The following OTUD7A variants were observed in gnomAD, a reference collection of about 807,000 sequenced individuals.
OTUD7A encodes the protein OTU deubiquitinase 7A.
A neutral mutation model predicts 65.7 loss-of-function variants in OTUD7A; 12 were observed. The observed-to-expected ratio is 0.18, with a 90% CI of 0.12 to 0.30. The LOEUF (loss-of-function observed/expected upper bound fraction) is 0.30, where lower values mean the gene tolerates loss of function less well. OTUD7A is among the 10% of genes least tolerant of loss of function. The pLI is 1.00. For missense variants in OTUD7A, 1,148 were observed against 1,304.8 expected (o/e 0.88, Z 1.85); for synonymous variants, 641 against 586.3 (o/e 1.09, Z -1.35).
intron 5 of OTUD7A, among the ~76,000 whole-genome samples, chr15:31,540,274 C>T (rs62004123): frequency 0.048 from 7,258 of 152,268 alleles, 263 homozygotes; most frequent in Middle Eastern, 0.075. Flanking sequence ...ATCACTCTTC[C>T]CACAAAGGAG....
At chr15:31,721,945 T>C (rs575864963) in intron 1 of OTUD7A, among the ~76,000 whole-genome samples, 1 of 152,328 alleles carries the variant, frequency 6.6e-6, no homozygotes, top group South Asian at 2.1e-4. Context: ...TCGAAGTCGG[T>C]GCTCAATAAA....
chr15:31,726,701 T>G (rs1595729956), intron 1 of OTUD7A, among the ~76,000 whole-genome samples: 1 of 152,330 alleles, frequency 6.6e-6, no homozygotes, highest in East Asian at 1.9e-4. Flanking sequence ...AGTAACTTCA[T>G]GTGGGCTCCA....
chr15:31,844,627 C>T (rs568435867), intron 1 of OTUD7A, among the ~76,000 whole-genome samples: 1 of 152,236 alleles, frequency 6.6e-6, no homozygotes, highest in Admixed American at 6.5e-5. Flanking sequence ...CTCCTGGTTC[C>T]TCATATACAA....
intron 1 of OTUD7A, among the ~76,000 whole-genome samples, chr15:31,856,106 C>T (rs368825276): frequency 2.0e-5 from 3 of 152,194 alleles, no homozygotes; most frequent in East Asian, 3.8e-4. Flanking sequence ...AGACATGTAA[C>T]TTAAATTCAG....
intron 1 of OTUD7A, among the ~76,000 whole-genome samples, chr15:31,791,594 C>T (rs560033741): frequency 5.3e-5 from 8 of 152,186 alleles, no homozygotes; most frequent in African/African-American, 1.9e-4. Flanking sequence ...TACAACACGT[C>T]CCGGACCAAC....
chr15:31,651,759 A>C (rs1291366899), intron 3 of OTUD7A, among the ~76,000 whole-genome samples: 1 of 152,212 alleles, frequency 6.6e-6, no homozygotes, highest in Admixed American at 6.5e-5. Context: ...AATAGTTTAC[A>C]ACCCCGCCCC....
intron 8 of OTUD7A, among the ~76,000 whole-genome samples, chr15:31,505,517 A>G (rs1345986148): frequency 6.6e-6 from 1 of 152,130 alleles, no homozygotes; most frequent in Non-Finnish European, 1.5e-5. Flanking sequence ...AAGGCTTTGA[A>G]GAGAAAACTC....
intron 1 of OTUD7A, among the ~76,000 whole-genome samples, chr15:31,787,319 G>A (rs983583463): frequency 1.5e-4 from 23 of 152,180 alleles, no homozygotes; most frequent in African/African-American, 5.5e-4. Flanking sequence ...GAAACAGCAA[G>A]AAAGCATTTG....
intron 1 of OTUD7A, among the ~76,000 whole-genome samples, chr15:31,815,129 G>A (rs1365456680): frequency 1.3e-5 from 2 of 152,112 alleles, no homozygotes; most frequent in Non-Finnish European, 2.9e-5. Context: ...CTGCTTCCAG[G>A]GCCTTCTAGG....
chr15:31,839,397 G>A (rs1013104098), intron 1 of OTUD7A, among the ~76,000 whole-genome samples: 2 of 152,186 alleles, frequency 1.3e-5, no homozygotes, highest in South Asian at 4.1e-4. Context: ...TAAGCACCTT[G>A]AGGGCCCTTG....
chr15:31,546,391 AG>A (rs1192973267), intron 5 of OTUD7A, among the ~76,000 whole-genome samples: 1 of 152,252 alleles, frequency 6.6e-6, no homozygotes, highest in Non-Finnish European at 1.5e-5. Flanking sequence ...GAAGACTTCA[AG>A]GAAGTAATTT....
In OTUD7A at chr15:31,480,201, T is replaced by C. The variant is rs1198943061; in HGVS notation, c.*3093A>G. ...TTTTATAGTACAGTTTAAACTTGGCTTGTAAAATTTCAACGTAACACAGCA... is the reference window on the plus strand; with the variant it reads ...TTTTATAGTACAGTTTAAACTTGGCCTGTAAAATTTCAACGTAACACAGCA... On this transcript the variant is annotated 3_prime_UTR_variant, in exon 13 of 13. Transcript: ENST00000307050. 6.6e-6 allele frequency: 1 copy of C among 152,184 alleles called. No individual in the cohort carries two copies. The highest frequency in any genetic ancestry group is 2.4e-5 in the African/African-American group (1 of 41,436). 9.4% of individuals were successfully genotyped at this position (152,184 alleles called of 1,614,324 possible).
chr15:31,714,904 G>A (rs1296117287), intron 1 of OTUD7A, among the ~76,000 whole-genome samples: 2 of 152,060 alleles, frequency 1.3e-5, no homozygotes, highest in Non-Finnish European at 2.9e-5. Flanking sequence ...GGGAGGCCGA[G>A]GCAGGCGGAT....
chr15:31,869,296 A>G (rs1261299745), intron 1 of OTUD7A, among the ~76,000 whole-genome samples: 1 of 152,074 alleles, frequency 6.6e-6, no homozygotes, highest in Non-Finnish European at 1.5e-5. Context: ...TGCTGGGAGG[A>G]CCCTAGTGAA....
chr15:31,868,104 A>G (rs1897927691), intron 1 of OTUD7A, among the ~76,000 whole-genome samples: 1 of 152,238 alleles, frequency 6.6e-6, no homozygotes, highest in South Asian at 2.1e-4. Context: ...AATATCCCAA[A>G]GGGAACAGAA....
intron 1 of OTUD7A, among the ~76,000 whole-genome samples, chr15:31,777,312 C>T (rs569814382): frequency 2.6e-5 from 4 of 152,328 alleles, no homozygotes; most frequent in Admixed American, 6.5e-5. Context: ...ATCCCATCAC[C>T]TTGGGGGTTA....
intron 1 of OTUD7A, among the ~76,000 whole-genome samples, chr15:31,670,400 G>A (rs1892450091): frequency 6.6e-6 from 1 of 152,196 alleles, no homozygotes; most frequent in Non-Finnish European, 1.5e-5. Context: ...CCCACTAACA[G>A]TATAAATGCA....
At chr15:31,866,561 T>C (rs909362944) in intron 1 of OTUD7A, among the ~76,000 whole-genome samples, 3 of 152,232 alleles carry the variant, frequency 2.0e-5, no homozygotes, top group Non-Finnish European at 2.9e-5. Flanking sequence ...GGCCATCTTA[T>C]TCTTGGTCTC....
intron 1 of OTUD7A, among the ~76,000 whole-genome samples, chr15:31,729,293 A>G (rs768478728): frequency 2.0e-5 from 3 of 152,190 alleles, no homozygotes; most frequent in Non-Finnish European, 4.4e-5. Flanking sequence ...AAATAACTAA[A>G]GTTTATAACC....
Sources: gnomAD v4.1 joint callset for allele counts (sites outside exome capture counted in the v4.1 genomes callset) on GRCh38, gnomAD v4.1.1 for gene constraint, MANE v1.5 for transcripts, NCBI Gene and HGNC (gene_info 2026-07-23, HGNC 2026-07-21) for gene names.